The following ANGPT1 variants were observed in gnomAD, a reference collection of about 807,000 sequenced individuals.
The protein encoded by ANGPT1 is angiopoietin 1, also known as angiopoietin-1.
ANGPT1 carries 17 observed loss-of-function variants against 62.2 expected under a neutral mutation model. That is an observed-to-expected ratio of 0.27 (90% CI 0.19 to 0.41). The LOEUF is 0.41. Among genes scored for constraint, ANGPT1 ranks in the 10% least tolerant of loss-of-function variants. The pLI is 1.00. For missense variants in ANGPT1, 478 were observed against 594.9 expected (o/e 0.80, Z 2.04); for synonymous variants, 199 against 198.9 (o/e 1.00, Z 0.00).
At chr8:107,483,559 A>T (rs1255093314) in intron 1 of ANGPT1, among the ~76,000 whole-genome samples, 1 of 152,048 alleles carries the variant, frequency 6.6e-6, no homozygotes, top group Non-Finnish European at 1.5e-5. Context: ...TCATATTCTT[A>T]TCATACTGAT....
In ANGPT1 at chr8:107,321,094, C is replaced by A. The variant is rs75261318; in HGVS notation, c.808+802G>T. ...ACTTCAAGTTCCAAACTTTGAAGAG[C>A]TCTACTGAGGCTCACTAGAGGTTCT... On this transcript the variant is annotated intron_variant, in intron 4 of 8. Coordinates refer to ENST00000517746, the MANE Select transcript of ANGPT1 (RefSeq NM_001146.5). Among the ~76,000 whole-genome samples, 29 of 152,176 alleles carry A rather than the reference C, an allele frequency of 1.9e-4. No homozygotes were observed. In the East Asian group the frequency reaches 5.2e-3, roughly 28 times the overall value.
intron 1 of ANGPT1, among the ~76,000 whole-genome samples, chr8:107,383,908 C>T (rs1816685018): frequency 6.6e-6 from 1 of 152,102 alleles, no homozygotes; most frequent in South Asian, 2.1e-4. Flanking sequence ...CCCTATAGTA[C>T]CTCACCTTTC....
At chr8:107,443,837 G>T (rs1013160695) in intron 1 of ANGPT1, among the ~76,000 whole-genome samples, 4 of 138,642 alleles carry the variant, frequency 2.9e-5, no homozygotes, top group African/African-American at 8.0e-5. Context: ...AAAAAAAAAA[G>T]TATACTAGTA....
intron 6 of ANGPT1, among the ~76,000 whole-genome samples, chr8:107,285,144 A>G (rs1814109067): frequency 6.6e-6 from 1 of 152,146 alleles, no homozygotes. Context: ...AACAATTCTC[A>G]ATTCAAGGTT....
At chr8:107,495,344 G>T (rs1220903090) in intron 1 of ANGPT1, among the ~76,000 whole-genome samples, 1 of 152,034 alleles carries the variant, frequency 6.6e-6, no homozygotes, top group Non-Finnish European at 1.5e-5. Flanking sequence ...GTTATTCTTG[G>T]CTATAATCTG....
chr8:107,302,815 G>A (rs1189475959), intron 5 of ANGPT1, among the ~76,000 whole-genome samples: 1 of 151,904 alleles, frequency 6.6e-6, no homozygotes, highest in Admixed American at 6.6e-5. Context: ...CCTAACAGGA[G>A]CAATAACTTG....
intron 3 of ANGPT1, among the ~76,000 whole-genome samples, chr8:107,333,032 T>C (rs1815460227): frequency 6.6e-6 from 1 of 152,220 alleles, no homozygotes; most frequent in South Asian, 2.1e-4. Flanking sequence ...TTTGTTGCAA[T>C]ATAAATTGCC....
chr8:107,279,383 T>C (rs1813942308), intron 7 of ANGPT1, among the ~76,000 whole-genome samples: 1 of 151,972 alleles, frequency 6.6e-6, no homozygotes, highest in Non-Finnish European at 1.5e-5. Flanking sequence ...TTCAAATTAT[T>C]AAAGAGAGAA....
chr8:107,296,296 A>G (rs762368279), intron 5 of ANGPT1, among the ~76,000 whole-genome samples: 12 of 152,074 alleles, frequency 7.9e-5, no homozygotes, highest in Non-Finnish European at 7.4e-5. Flanking sequence ...TGCTGTCCCC[A>G]GTACCTAGAG....
intron 2 of ANGPT1, among the ~76,000 whole-genome samples, chr8:107,344,534 T>G (rs1815762677): frequency 7.2e-5 from 11 of 152,232 alleles, no homozygotes; most frequent in Admixed American, 7.2e-4. Context: ...AAGAGGATCT[T>G]AAAATGCCAT....
intron 4 of ANGPT1, among the ~76,000 whole-genome samples, chr8:107,319,365 T>C (rs1291989840): frequency 6.6e-6 from 1 of 152,040 alleles, no homozygotes; most frequent in Admixed American, 6.6e-5. Context: ...GAAGACCTTT[T>C]AGGGTCAATT....
chr8:107,381,325 G>A (rs1051908864), intron 1 of ANGPT1, among the ~76,000 whole-genome samples: 5 of 152,270 alleles, frequency 3.3e-5, no homozygotes, highest in Admixed American at 6.5e-5. Flanking sequence ...TGTGTGTGCC[G>A]GGAACTTGCC....
chr8:107,321,843 TG>T, intron 4 of ANGPT1, 52 bp downstream of exon 4: 1 of 1,517,004 alleles, frequency 6.6e-7, no homozygotes, highest in Admixed American at 1.7e-5. Context: ...AGTATTTACT[TG>T]ATCAAAGGAA....
rs1815556943 is a variant in ANGPT1, at chr8:107,336,239, C to T, written c.486G>A (p.Gln162=). 2 of 1,606,346 alleles carry T rather than the reference C, an allele frequency of 1.2e-6. No individual in the cohort carries two copies. The highest frequency in any genetic ancestry group is 1.7e-6 in the Non-Finnish European group (2 of 1,177,460). Residue 162 remains glutamine, a synonymous_variant, in exon 3 of 9, where the codon CAG becomes CAA. Coordinates refer to ENST00000517746, the MANE Select transcript of ANGPT1 (RefSeq NM_001146.5). ...AGGTGGATAATGAATTCTCCAGCAG[C>T]TGTATCTCAAGTCGAGAAGTTTGAT... ...VLNQTSRLEI[Q]LLENSLSTYK...
rs957733891 is a variant in ANGPT1, at chr8:107,497,886, C to T, written c.-328G>A. The T allele has an allele frequency of 2.1e-6, 1 of 482,848 alleles. No individual in the cohort carries two copies. The highest frequency in any genetic ancestry group is 2.0e-5 in the African/African-American group (1 of 50,310). The allele number at this position is 482,848 out of a possible 1,614,324, so 29.9% of individuals were successfully genotyped here. ...TCAGCTGCGTGTACATATTCTAGAC[C>T]CTTTCCTCTACCCTATCTGCTGCAG... On this transcript the variant is annotated 5_prime_UTR_variant, in exon 1 of 9. Coordinates refer to ENST00000517746, the MANE Select transcript of ANGPT1 (RefSeq NM_001146.5).
At chr8:107,263,705 A>G (rs1395565253) in intron 8 of ANGPT1, among the ~76,000 whole-genome samples, 1 of 152,198 alleles carries the variant, frequency 6.6e-6, no homozygotes, top group Non-Finnish European at 1.5e-5. Context: ...TATCTCCTAT[A>G]CTAGCTAAAA....
At chr8:107,445,989 C>T (rs1811606881) in intron 1 of ANGPT1, among the ~76,000 whole-genome samples, 1 of 152,150 alleles carries the variant, frequency 6.6e-6, no homozygotes, top group Non-Finnish European at 1.5e-5. Context: ...GCTATCTCGG[C>T]TCACTGAAAC....
intron 2 of ANGPT1, among the ~76,000 whole-genome samples, chr8:107,343,270 G>T (rs945677136): frequency 6.6e-6 from 1 of 152,144 alleles, no homozygotes; most frequent in African/African-American, 2.4e-5. Flanking sequence ...GGAAAAATTG[G>T]GAGGAAGCCA....
chr8:107,401,372 C>T (rs965734025), intron 1 of ANGPT1, among the ~76,000 whole-genome samples: 1 of 151,488 alleles, frequency 6.6e-6, no homozygotes, highest in Non-Finnish European at 1.5e-5. Flanking sequence ...TCTGTTTTTT[C>T]CTCCAAATAA....
Sources: gnomAD v4.1 joint callset for allele counts (sites outside exome capture counted in the v4.1 genomes callset) on GRCh38, gnomAD v4.1.1 for gene constraint, MANE v1.5 for transcripts, NCBI Gene and HGNC (gene_info 2026-07-23, HGNC 2026-07-21) for gene names.